The following ESRRG variants were observed in gnomAD, a reference collection of about 807,000 sequenced individuals.
ESRRG encodes the protein estrogen-related receptor gamma.
A neutral mutation model predicts 44.0 loss-of-function variants in ESRRG; 13 were observed. The ratio of observed to expected loss-of-function variants is 0.30; its 90% CI spans 0.19 to 0.47. The LOEUF is 0.47. Among genes scored for constraint, ESRRG ranks in the 20% least tolerant of loss-of-function variants. The pLI, the probability that ESRRG is intolerant of heterozygous loss-of-function variation, is 1.00. For missense variants in ESRRG, 395 were observed against 580.6 expected, an observed-to-expected ratio of 0.68 and a Z score of 3.29; for synonymous variants, 215 against 214.6, an observed-to-expected ratio of 1.00 and a Z score of -0.02.
chr1:216,835,092 G>T (rs2095543089), intron 2 of ESRRG, among the ~76,000 whole-genome samples: 1 of 152,188 alleles, frequency 6.6e-6, no homozygotes, highest in Non-Finnish European at 1.5e-5. Context: ...GTTTTTTGTT[G>T]CTGTTTGCTT....
At chr1:216,523,494 T>G (rs1212612575) in intron 5 of ESRRG, among the ~76,000 whole-genome samples, 1 of 118,450 alleles carries the variant, frequency 8.4e-6, no homozygotes, top group Non-Finnish European at 1.7e-5. Flanking sequence ...AGCACTGTTT[T>G]TTTTTTTGTT....
At chr1:217,025,394 G>A (rs974833077) in intron 1 of ESRRG, among the ~76,000 whole-genome samples, 3 of 151,992 alleles carry the variant, frequency 2.0e-5, no homozygotes, top group Non-Finnish European at 4.4e-5. Flanking sequence ...AACTGATTTG[G>A]CTATTTTCTG....
At position 216,510,786 on chromosome 1, in the gene ESRRG, G is replaced by C. The variant is rs2042495236; in HGVS notation, c.1133-3603C>G. On this transcript the variant is annotated intron_variant, in intron 6 of 6. Transcript: ENST00000408911. ...TGCAGTCCCAGCTACTCGGGAGGCT[G>C]AGGCATGAACCCGGGAGGCGGAGAT... Among the ~76,000 whole-genome samples, 3 of 152,080 alleles carry C rather than the reference G, an allele frequency of 2.0e-5. No homozygotes were observed. In the South Asian group the frequency reaches 6.2e-4, roughly 32 times the overall value.
intron 3 of ESRRG, 132 bp from the exon 4 acceptor site, chr1:216,568,230 A>G: frequency 1.6e-6 from 1 of 643,900 alleles, no homozygotes; most frequent in South Asian, 1.8e-5. Context: ...GGGGTACTCA[A>G]ATAATGTAAA....
At chr1:216,676,213 G>A (rs1196515852) in intron 2 of ESRRG, among the ~76,000 whole-genome samples, 2 of 152,054 alleles carry the variant, frequency 1.3e-5, no homozygotes, top group East Asian at 3.9e-4. Flanking sequence ...TTCATGAACT[G>A]AATTCTAGAT....
chr1:216,702,618 A>AAG (rs1420077614), intron 1 of ESRRG, among the ~76,000 whole-genome samples: 1 of 150,528 alleles, frequency 6.6e-6, no homozygotes, highest in Non-Finnish European at 1.5e-5. Context: ...CAAAAAAAAA[A>AAG]AAAAGAAAAT....
chr1:216,868,151 G>A (rs778731674), intron 2 of ESRRG, among the ~76,000 whole-genome samples: 30 of 143,264 alleles, frequency 2.1e-4, no homozygotes, highest in Non-Finnish European at 3.0e-4. Flanking sequence ...GGAATGGAGC[G>A]ATCTGGGCTC....
intron 5 of ESRRG, among the ~76,000 whole-genome samples, chr1:216,554,038 C>T (rs1008192335): frequency 1.3e-5 from 2 of 152,090 alleles, no homozygotes; most frequent in African/African-American, 4.8e-5. Flanking sequence ...GGTTCTTCTA[C>T]TTGAAATCTT....
At chr1:216,751,931 A>G (rs2092051672) in intron 2 of ESRRG, among the ~76,000 whole-genome samples, 1 of 152,132 alleles carries the variant, frequency 6.6e-6, no homozygotes, top group Non-Finnish European at 1.5e-5. Flanking sequence ...CATAAATTAC[A>G]AACCACCAGA....
chr1:216,759,404 C>T (rs527697165), intron 2 of ESRRG, among the ~76,000 whole-genome samples: 29 of 152,214 alleles, frequency 1.9e-4, no homozygotes, highest in Admixed American at 1.8e-3. Context: ...GCCCTGTGTA[C>T]CCCAGCAAAC....
intron 1 of ESRRG, among the ~76,000 whole-genome samples, chr1:216,722,412 C>A (rs190422095): frequency 3.9e-5 from 5 of 127,594 alleles, no homozygotes; most frequent in Non-Finnish European, 6.5e-5. Context: ...CCTACTCACT[C>A]CCCCCCCTTT....
chr1:216,808,369 C>T (rs190104538), intron 2 of ESRRG, among the ~76,000 whole-genome samples: 4 of 152,064 alleles, frequency 2.6e-5, no homozygotes, highest in East Asian at 1.9e-4. Context: ...CCTGTCTGAA[C>T]GAGAGTCTTG....
At chr1:216,852,127 GTTTA>G (rs1459396752) in intron 2 of ESRRG, among the ~76,000 whole-genome samples, 7 of 152,304 alleles carry the variant, frequency 4.6e-5, no homozygotes, top group African/African-American at 1.7e-4. Flanking sequence ...TTTAGGCTTG[GTTTA>G]TTTGAGACTT....
intron 1 of ESRRG, among the ~76,000 whole-genome samples, chr1:217,127,345 T>A (rs1336030533): frequency 1.3e-5 from 2 of 152,220 alleles, no homozygotes; most frequent in African/African-American, 4.8e-5. Context: ...TGACAGGACT[T>A]ATGCAGGTAA....
At chr1:216,790,966 A>G (rs546024886) in intron 2 of ESRRG, among the ~76,000 whole-genome samples, 4 of 152,172 alleles carry the variant, frequency 2.6e-5, no homozygotes, top group Admixed American at 6.6e-5. Context: ...TTTATCTCCA[A>G]GATTTTTGTG....
intron 1 of ESRRG, among the ~76,000 whole-genome samples, chr1:217,012,209 T>C (rs1046213150): frequency 5.3e-5 from 8 of 152,232 alleles, no homozygotes; most frequent in African/African-American, 1.4e-4. Context: ...TTAAAGGCTT[T>C]TGGCCCGTCT....
intron 6 of ESRRG, among the ~76,000 whole-genome samples, chr1:216,508,106 T>C (rs927006779): frequency 6.6e-6 from 1 of 152,216 alleles, no homozygotes; most frequent in African/African-American, 2.4e-5. Context: ...TTAATAATTC[T>C]AGTTCTCTGA....
intron 1 of ESRRG, among the ~76,000 whole-genome samples, chr1:217,117,916 A>G (rs2092753734): frequency 6.6e-6 from 1 of 152,196 alleles, no homozygotes; most frequent in African/African-American, 2.4e-5. Context: ...GCTTCATCAA[A>G]AAGTTCAAAA....
chr1:217,013,883 G>T (rs2078982689), intron 1 of ESRRG, among the ~76,000 whole-genome samples: 1 of 152,092 alleles, frequency 6.6e-6, no homozygotes, highest in African/African-American at 2.4e-5. Flanking sequence ...TGAATGAGGA[G>T]GGTAAATATG....
Sources: gnomAD v4.1 joint callset for allele counts (sites outside exome capture counted in the v4.1 genomes callset) on GRCh38, gnomAD v4.1.1 for gene constraint, MANE v1.5 for transcripts, NCBI Gene and HGNC (gene_info 2026-07-23, HGNC 2026-07-21) for gene names.